Variants in SUSD1 observed in about 807,000 individuals in gnomAD.
The protein encoded by SUSD1 is sushi domain-containing protein 1.
SUSD1 carries 65 observed loss-of-function variants against 86.9 expected under a neutral mutation model. The observed-to-expected ratio is 0.75, with a 90% CI of 0.61 to 0.92. The LOEUF is 0.92. Ranked by LOEUF, SUSD1 falls within the 40% of genes least tolerant of loss-of-function variation. The pLI, the probability that SUSD1 is intolerant of heterozygous loss-of-function variation, is 0.00. For synonymous variants in SUSD1, 346 were observed against 350.0 expected, an observed-to-expected ratio of 0.99 and a Z score of 0.13; for missense variants, 850 against 929.7, an observed-to-expected ratio of 0.91 and a Z score of 1.11.
intron 15 of SUSD1, among the ~76,000 whole-genome samples, chr9:112,043,630 T>C (rs969849573): frequency 2.6e-5 from 4 of 152,188 alleles, no homozygotes; most frequent in African/African-American, 9.7e-5. Context: ...CAGCTCTGTC[T>C]AGGCAGCAGG....
At chr9:112,146,042 T>C (rs1455348972) in intron 3 of SUSD1, 2 of 152,194 alleles carry the variant, frequency 1.3e-5, no homozygotes, top group African/African-American at 4.8e-5. Context: ...GGATGCAGGA[T>C]TCCTTGGAAT....
chr9:112,071,684 C>T (rs1829277066), intron 12 of SUSD1, among the ~76,000 whole-genome samples: 1 of 152,108 alleles, frequency 6.6e-6, no homozygotes, highest in Non-Finnish European at 1.5e-5. Context: ...AACTAAGCAA[C>T]GTCTCCAACT....
intron 14 of SUSD1, 113 bp downstream of exon 14, chr9:112,058,315 T>G: frequency 7.5e-7 from 1 of 1,337,578 alleles, no homozygotes. Context: ...AAACATTTTG[T>G]GATTGTTACA....
intron 10 of SUSD1, among the ~76,000 whole-genome samples, chr9:112,092,896 C>G (rs1830258271): frequency 6.6e-6 from 1 of 152,106 alleles, no homozygotes; most frequent in Admixed American, 6.6e-5. Flanking sequence ...AAGTCATGCT[C>G]TCAGTATATG....
intron 5 of SUSD1, among the ~76,000 whole-genome samples, chr9:112,125,767 G>A: frequency 6.6e-6 from 1 of 152,258 alleles, no homozygotes; most frequent in Middle Eastern, 3.4e-3. Context: ...GCCATCCTTG[G>A]CCTTAGAAAT....
intron 1 of SUSD1, among the ~76,000 whole-genome samples, chr9:112,165,818 A>G (rs866846881): frequency 8.1e-6 from 1 of 123,346 alleles, no homozygotes; most frequent in Non-Finnish European, 1.9e-5. Context: ...GAGAGAGAAA[A>G]AGAAAGAAAG....
rs946890338 is a variant in SUSD1, at chr9:112,041,907, C to T, written c.2203G>A (p.Val735Ile). 2 of 1,614,054 alleles carry T rather than the reference C, an allele frequency of 1.2e-6. No homozygotes were observed. Among genetic ancestry groups the T allele is most frequent in the Non-Finnish European group, 1.7e-6 (2 of 1,179,942 alleles). Reference protein sequence around the residue: ...MAGVGLGSLAVVIILTFLSFS... With the variant: ...MAGVGLGSLAIVIILTFLSFS... The stretch of plus-strand genomic sequence containing the variant: ...GAGAGGAATGTGAGAATGATCACAA[C>T]AGCCAGGGAACCCAGTCCAACACCC... The change falls in exon 16 of 17, where the codon GTT (valine) becomes ATT (isoleucine). Residue 735 changes from valine to isoleucine, a missense_variant. Val to Ile is a conservative substitution (Grantham distance 29, BLOSUM62 3). Coordinates refer to ENST00000374270, the MANE Select transcript of SUSD1 (RefSeq NM_022486.5).
Position 112,070,390 on chromosome 9 carries a change from G to A in SUSD1, c.1754-7357C>T, listed in dbSNP as rs374668230. Among the ~76,000 whole-genome samples, 49 of 152,274 alleles carry A rather than the reference G, an allele frequency of 3.2e-4. No individual in the cohort carries two copies. In the East Asian group the frequency reaches 6.6e-3, roughly 20 times the overall value. ...TCAGGCTGGTTCTCAGCCACATTTC[G>A]AGGTGGAACAAACTTGACTTTCAGC... is the stretch of plus-strand genomic sequence containing the variant. On this transcript the variant is annotated intron_variant, in intron 12 of 16. Coordinates refer to ENST00000374270, the MANE Select transcript of SUSD1 (RefSeq NM_022486.5).
chr9:112,116,428 C>G (rs541683294), intron 6 of SUSD1, among the ~76,000 whole-genome samples: 1 of 152,310 alleles, frequency 6.6e-6, no homozygotes, highest in South Asian at 2.1e-4. Flanking sequence ...TTAATGCTGC[C>G]CTTTTAATGG....
At chr9:112,068,914 C>A (rs2131523196) in intron 12 of SUSD1, among the ~76,000 whole-genome samples, 1 of 152,172 alleles carries the variant, frequency 6.6e-6, no homozygotes, top group East Asian at 1.9e-4. Flanking sequence ...AGGAATCTGG[C>A]AACCAAGTCA....
chr9:112,174,949 C>A (rs996411644), intron 1 of SUSD1, among the ~76,000 whole-genome samples, 184 bp downstream of exon 1: 3 of 151,604 alleles, frequency 2.0e-5, no homozygotes, highest in African/African-American at 4.8e-5. Context: ...CGGCGGGGAG[C>A]CCCCCGCTTC....
At chr9:112,129,344 C>A (rs1226002346) in intron 5 of SUSD1, among the ~76,000 whole-genome samples, 7 of 152,116 alleles carry the variant, frequency 4.6e-5, no homozygotes, top group Non-Finnish European at 1.0e-4. Flanking sequence ...CAGGGCCTTA[C>A]TCCTGTCGCC....
chr9:112,055,107 G>A (rs1011410510), intron 14 of SUSD1, among the ~76,000 whole-genome samples: 4 of 152,182 alleles, frequency 2.6e-5, no homozygotes, highest in African/African-American at 9.6e-5. Flanking sequence ...TGTCATTAGG[G>A]AAATGCAAAC....
chr9:112,163,457 C>T (rs1392472888), intron 1 of SUSD1, among the ~76,000 whole-genome samples: 1 of 151,302 alleles, frequency 6.6e-6, no homozygotes, highest in Non-Finnish European at 1.5e-5. Flanking sequence ...ATAGCAAGAC[C>T]TCATCGCTAC....
At chr9:112,052,287 T>G in intron 15 of SUSD1, 112 bp downstream of exon 15, 1 of 1,593,866 alleles carries the variant, frequency 6.3e-7, no homozygotes, top group Non-Finnish European at 8.5e-7. Context: ...TAAAGTAGTA[T>G]GAATTGGGTT....
chr9:112,167,721 A>T (rs1381177134), intron 1 of SUSD1, among the ~76,000 whole-genome samples: 1 of 152,222 alleles, frequency 6.6e-6, no homozygotes, highest in East Asian at 1.9e-4. Flanking sequence ...AACCTACTTT[A>T]TATGGTTGTT....
At chr9:112,112,213 A>C in intron 7 of SUSD1, 1 of 188,236 alleles carries the variant, frequency 5.3e-6, no homozygotes, top group African/African-American at 2.3e-5. Flanking sequence ...CCAAATATAA[A>C]TGCATCCCCC....
At chr9:112,054,120 C>G (rs1179151247) in intron 14 of SUSD1, among the ~76,000 whole-genome samples, 1 of 152,202 alleles carries the variant, frequency 6.6e-6, no homozygotes, top group East Asian at 1.9e-4. Context: ...AAGACTCACA[C>G]TCCCTGATTT....
chr9:112,078,813 T>TC, intron 11 of SUSD1, 89 bp from the exon 12 acceptor site: 1 of 501,990 alleles, frequency 2.0e-6, no homozygotes, highest in African/African-American at 2.2e-5. Flanking sequence ...TTCTTTCTCT[T>TC]TTTTTTTTTT....
Sources: allele counts gnomAD v4.1 joint callset (sites outside exome capture counted in the v4.1 genomes callset), GRCh38; gene constraint gnomAD v4.1.1; transcripts MANE v1.5; gene names NCBI Gene and HGNC (gene_info 2026-07-23, HGNC 2026-07-21).